TSPEAR: variants seen among roughly 807,000 people sequenced by gnomAD.
TSPEAR encodes the protein thrombospondin-type laminin G domain and EAR repeat-containing protein.
Under a neutral mutation model 71.6 loss-of-function variants are expected in TSPEAR, and 69 were observed. The observed-to-expected ratio is 0.96, with a 90% confidence interval of 0.79 to 1.18. The LOEUF is 1.18. Ranked by LOEUF, TSPEAR falls within the 50% of genes most tolerant of loss-of-function variation. The pLI is 0.00. For synonymous variants in TSPEAR, 402 were observed against 387.2 expected, an observed-to-expected ratio of 1.04 and a Z score of -0.45; for missense variants, 971 against 894.9, an observed-to-expected ratio of 1.09 and a Z score of -1.09.
chr21:44,597,495 C>T (rs587649594), intron 1 of TSPEAR, among the ~76,000 whole-genome samples: 6 of 149,110 alleles, frequency 4.0e-5, no homozygotes, highest in African/African-American at 7.5e-5. Context: ...GGCAGTGGTG[C>T]GATCTCGGCT....
At chr21:44,651,872 A>G (rs1391347629) in intron 1 of TSPEAR, among the ~76,000 whole-genome samples, 1 of 152,220 alleles carries the variant, frequency 6.6e-6, no homozygotes, top group African/African-American at 2.4e-5. Flanking sequence ...CAAGCTTTTA[A>G]AAAATGAAAG....
chr21:44,622,966 C>T lies in TSPEAR; in HGVS notation c.83-54961G>A, dbSNP rs1982539892. Among the ~76,000 whole-genome samples the T allele has an allele frequency of 4.6e-5, 7 of 152,172 alleles. No homozygotes were observed. The South Asian group carries it at 1.0e-3, about 23-fold the overall frequency. On this transcript the variant is annotated intron_variant, in intron 1 of 11. Transcript: ENST00000323084. ...ATCTGGTTAAGCGTGTAGCACCTCCCATCCCCCACTCTCTTTCTCTTGCTA... is the reference window on the plus strand; with the variant it reads ...ATCTGGTTAAGCGTGTAGCACCTCCTATCCCCCACTCTCTTTCTCTTGCTA...
intron 1 of TSPEAR, among the ~76,000 whole-genome samples, chr21:44,571,258 C>G (rs1290798039): frequency 2.0e-5 from 3 of 152,220 alleles, no homozygotes; most frequent in African/African-American, 4.8e-5. Flanking sequence ...CTATGTTGCC[C>G]AGGCTGATCT....
At chr21:44,528,315 G>T (rs1404501102) in intron 6 of TSPEAR, 137 bp downstream of exon 6, 1 of 1,255,922 alleles carries the variant, frequency 8.0e-7, no homozygotes, top group Non-Finnish European at 1.1e-6. Context: ...CTCACTCTTA[G>T]AAGTGCCCCA....
intron 1 of TSPEAR, among the ~76,000 whole-genome samples, chr21:44,573,006 C>T (rs1978289592): frequency 6.6e-6 from 1 of 151,980 alleles, no homozygotes; most frequent in African/African-American, 2.4e-5. Context: ...CCCCTCGCAG[C>T]CTCAGAAGGA....
At chr21:44,574,532 G>C in intron 1 of TSPEAR, 1 of 1,588,998 alleles carries the variant, frequency 6.3e-7, no homozygotes. Context: ...GCTGCCAGCC[G>C]GCTTGCTGCA....
intron 1 of TSPEAR, among the ~76,000 whole-genome samples, chr21:44,699,368 AC>A (rs1444133247): frequency 8.5e-6 from 1 of 117,624 alleles, no homozygotes; most frequent in African/African-American, 3.2e-5. Context: ...TGAGAGTGAG[AC>A]ACTGTCTCAA....
At chr21:44,575,194 G>T (rs902030444) in intron 1 of TSPEAR, 4 of 729,144 alleles carry the variant, frequency 5.5e-6, no homozygotes, top group Non-Finnish European at 6.8e-6. Context: ...GCGGGGGGAG[G>T]GGGGCGCTTC....
rs374768643 is a variant in TSPEAR, at chr21:44,529,961, A to T, written c.634-7T>A. ...CCAGTTGCCTCACCAGTCCCTGCAG[A>T]GAGAGGGACAGCTCCTTCAGGCCCG... On this transcript the variant is annotated splice_region_variant and splice_polypyrimidine_tract_variant and intron_variant, in intron 4 of 11. Transcript: ENST00000323084. The T allele has an allele frequency of 6.3e-7, 1 of 1,583,382 alleles. No individual in the cohort carries two copies. The highest frequency in any genetic ancestry group is 1.3e-5 in the African/African-American group (1 of 74,366).
chr21:44,705,937 G>A (rs1462041359), intron 1 of TSPEAR, among the ~76,000 whole-genome samples: 1 of 152,086 alleles, frequency 6.6e-6, no homozygotes, highest in Non-Finnish European at 1.5e-5. Context: ...CGGCTTGTGG[G>A]GCATCACAGA....
At position 44,697,884 on chromosome 21, in the gene TSPEAR, T is replaced by A. The variant is rs892862563; in HGVS notation, c.82+13549A>T. ...TCCTGCCAGCCAAGCTGCGGCCGCC[T>A]GGCCTCCTGCGGGTCCCTCCTCTGC... On this transcript the variant is annotated intron_variant, in intron 1 of 11. Transcript: ENST00000323084. 5.2e-5 allele frequency: 83 copies of A among 1,603,112 alleles called. 1 individual carries two copies. In the East Asian group the frequency reaches 1.9e-3, roughly 36 times the overall value.
chr21:44,641,064 A>G (rs1185263135), intron 1 of TSPEAR, among the ~76,000 whole-genome samples: 1 of 152,226 alleles, frequency 6.6e-6, no homozygotes, highest in Non-Finnish European at 1.5e-5. Flanking sequence ...TCAGAGCCCC[A>G]GCATCAGCTC....
At chr21:44,641,519 A>G (rs1416289207) in intron 1 of TSPEAR, among the ~76,000 whole-genome samples, 4 of 152,194 alleles carry the variant, frequency 2.6e-5, no homozygotes, top group Admixed American at 2.0e-4. Context: ...AGCCCAGGAG[A>G]CCCAGGGTCT....
Position 44,627,222 on chromosome 21 carries a change from G to A in TSPEAR, c.83-59217C>T, listed in dbSNP as rs111349187. 3.7e-6 allele frequency: 6 copies of A among 1,612,758 alleles called. No homozygotes were observed. The African/African-American group carries it at 5.3e-5, about 14-fold the overall frequency. Reference sequence around the variant, plus strand: ...GCTCCAGCGCTTACTCCGACTCCTGGCAGGTGGACGACTGCCCAGAGAGCT... The same window carrying A: ...GCTCCAGCGCTTACTCCGACTCCTGACAGGTGGACGACTGCCCAGAGAGCT... On this transcript the variant is annotated intron_variant, in intron 1 of 11. Transcript: ENST00000323084.
At chr21:44,638,850 G>A (rs587726182) in intron 1 of TSPEAR, among the ~76,000 whole-genome samples, 1 of 151,888 alleles carries the variant, frequency 6.6e-6, no homozygotes, top group South Asian at 2.1e-4. Context: ...GCCTGGGGTA[G>A]ACCACCTGGG....
intron 1 of TSPEAR, among the ~76,000 whole-genome samples, chr21:44,589,161 TAAAAATA>T (rs1173039261): frequency 1.3e-5 from 2 of 152,038 alleles, no homozygotes; most frequent in Non-Finnish European, 2.9e-5. Context: ...AAATATAAAA[TAAAAATA>T]AAAAATAAAA....
In TSPEAR at chr21:44,658,155, G is replaced by A. The variant is rs782687163; in HGVS notation, c.82+53278C>T. 2 of 1,614,164 alleles carry A rather than the reference G, an allele frequency of 1.2e-6. No individual in the cohort carries two copies. Among genetic ancestry groups the A allele is most frequent in the South Asian group, 1.1e-5 (1 of 91,084 alleles). ...CAGCCCTCCGTGTGCGTGCCCGTGA[G>A]CTGCAGGCCCATCATATATGTGACT... is the stretch of plus-strand genomic sequence containing the variant. On this transcript the variant is annotated intron_variant, in intron 1 of 11. Transcript: ENST00000323084.
At chr21:44,509,015 C>A (rs2052278125) in intron 10 of TSPEAR, 184 bp downstream of exon 10, 1 of 1,483,620 alleles carries the variant, frequency 6.7e-7, no homozygotes. Context: ...CTGACTTCCC[C>A]AGGCCAGGAA....
intron 1 of TSPEAR, chr21:44,702,220 T>A: frequency 6.3e-7 from 1 of 1,592,684 alleles, no homozygotes; most frequent in Non-Finnish European, 8.5e-7. Flanking sequence ...GGGGCCTCCC[T>A]GAGCCAGTGC....
Sources: allele counts gnomAD v4.1 joint callset (sites outside exome capture counted in the v4.1 genomes callset), GRCh38; gene constraint gnomAD v4.1.1; transcripts MANE v1.5; gene names NCBI Gene and HGNC (gene_info 2026-07-23, HGNC 2026-07-21).